DCLK2: variants seen among roughly 807,000 people sequenced by gnomAD.
DCLK2 encodes serine/threonine-protein kinase DCLK2.
Under a neutral mutation model 78.4 loss-of-function variants are expected in DCLK2, and 31 were observed. That is an observed-to-expected ratio of 0.40 (90% CI 0.30 to 0.53). The LOEUF is 0.53. DCLK2 is among the 20% of genes least tolerant of loss of function. DCLK2 has a pLI of 0.61. For missense variants in DCLK2, 872 were observed against 973.7 expected (o/e 0.90, Z 1.39); for synonymous variants, 407 against 374.9 (o/e 1.09, Z -0.99).
At chr4:150,209,490 G>GT (rs1383395677) in intron 5 of DCLK2, among the ~76,000 whole-genome samples, 3 of 152,208 alleles carry the variant, frequency 2.0e-5, no homozygotes, top group Non-Finnish European at 2.9e-5. Flanking sequence ...TAATTCTTAA[G>GT]TTTTTTTGTG....
intron 2 of DCLK2, among the ~76,000 whole-genome samples, chr4:150,192,740 A>T (rs968606091): frequency 9.9e-5 from 15 of 152,178 alleles, no homozygotes; most frequent in Non-Finnish European, 1.6e-4. Context: ...ACCCAAGGTC[A>T]CACAGTGGGA....
At chr4:150,253,215 C>G (rs543348274) in intron 15 of DCLK2, 3 of 515,068 alleles carry the variant, frequency 5.8e-6, no homozygotes, top group Non-Finnish European at 1.2e-5. Flanking sequence ...CCCTGGTACT[C>G]ATAGGTCCTC....
chr4:150,228,610 A>T (rs994073574), intron 8 of DCLK2, among the ~76,000 whole-genome samples: 1 of 152,248 alleles, frequency 6.6e-6, no homozygotes, highest in Admixed American at 6.5e-5. Context: ...AGAGCAGGTG[A>T]GAGGACTACC....
At chr4:150,149,077 A>T (rs1253106082) in intron 2 of DCLK2, among the ~76,000 whole-genome samples, 1 of 151,052 alleles carries the variant, frequency 6.6e-6, no homozygotes, top group African/African-American at 2.4e-5. Context: ...GAGACCATGG[A>T]TACCTGAAAG....
intron 2 of DCLK2, among the ~76,000 whole-genome samples, chr4:150,165,049 C>T (rs997071860): frequency 1.3e-5 from 2 of 152,152 alleles, no homozygotes; most frequent in African/African-American, 4.8e-5. Context: ...ATGGGTTTAA[C>T]CATCCTGAGA....
At chr4:150,088,551 G>A (rs893518213) in intron 1 of DCLK2, among the ~76,000 whole-genome samples, 7 of 151,852 alleles carry the variant, frequency 4.6e-5, no homozygotes, top group East Asian at 1.9e-4. Flanking sequence ...CAGTCCTCTC[G>A]CCTCAGTCTC....
chr4:150,225,042 G>A (rs1197080177), intron 8 of DCLK2, among the ~76,000 whole-genome samples: 1 of 152,166 alleles, frequency 6.6e-6, no homozygotes, highest in Non-Finnish European at 1.5e-5. Context: ...GAGCCCAGCT[G>A]GATGATTTAC....
At chr4:150,160,750 G>C (rs1008923487) in intron 2 of DCLK2, among the ~76,000 whole-genome samples, 4 of 152,182 alleles carry the variant, frequency 2.6e-5, no homozygotes, top group African/African-American at 7.2e-5. Flanking sequence ...TCTGTTCTGA[G>C]AGAAGGAAAA....
intron 2 of DCLK2, among the ~76,000 whole-genome samples, chr4:150,150,420 C>G (rs1392031750): frequency 6.6e-6 from 1 of 151,852 alleles, no homozygotes; most frequent in Admixed American, 6.6e-5. Context: ...GGGCTATTGT[C>G]AGGATTCAGT....
At chr4:150,117,088 A>G (rs1346596692) in intron 2 of DCLK2, among the ~76,000 whole-genome samples, 11 of 152,054 alleles carry the variant, frequency 7.2e-5, no homozygotes, top group Non-Finnish European at 1.6e-4. Context: ...ATAAGGCAGG[A>G]CTGCACTCTG....
chr4:150,198,085 A>G lies in DCLK2; in HGVS notation c.943A>G (p.Ser315Gly), dbSNP rs147007273. The change falls in exon 4 of 16, where the codon AGC becomes GGC. Residue 315 changes from serine (S) to glycine (G), a missense_variant. Around this residue, in one of 3 missense-constraint regions of DCLK2, gnomAD observed 567 missense variants for 593.4 expected, o/e 0.96. Transcript: ENST00000296550. ...CAAAAGCCCTGGGCCCTCTCGACGC[A>G]GCAAATCACCAGCTTCAGGTAGTTA... is the stretch of plus-strand genomic sequence containing the variant. ...GSKSPGPSRR[S>G]KSPASVNGTP... The G allele has an allele frequency of 6.2e-5, 100 of 1,613,634 alleles. No homozygotes were observed. The highest frequency in any genetic ancestry group is 3.1e-5 in the Non-Finnish European group (36 of 1,179,874).
intron 2 of DCLK2, among the ~76,000 whole-genome samples, chr4:150,148,758 C>T (rs558888697): frequency 2.0e-5 from 3 of 151,982 alleles, no homozygotes; most frequent in South Asian, 4.2e-4. Flanking sequence ...GGAGGCCAGG[C>T]GTGGTGGCTC....
At chr4:150,102,121 A>T (rs1481390166) in intron 1 of DCLK2, among the ~76,000 whole-genome samples, 1 of 152,168 alleles carries the variant, frequency 6.6e-6, no homozygotes, top group African/African-American at 2.4e-5. Context: ...AGTAAATAGG[A>T]GGTTTGGGGA....
chr4:150,193,163 G>T lies in DCLK2; in HGVS notation c.782G>T (p.Gly261Val). ...KQVTCLQDFF[G>V]DDDVFIACGP... ...GTTACTTGTCTGCAAGACTTTTTTGGTGATGACGATGTTTTTATTGCATGT... is the reference window on the plus strand; with the variant it reads ...GTTACTTGTCTGCAAGACTTTTTTGTTGATGACGATGTTTTTATTGCATGT... Residue 261 changes from glycine to valine, a missense_variant, in exon 3 of 16, where the codon GGT (glycine) becomes GTT (valine). Gly to Val is a moderately radical substitution (Grantham distance 109). Transcript: ENST00000296550. 1 of 1,608,522 alleles carries T rather than the reference G, an allele frequency of 6.2e-7. No individual in the cohort carries two copies. The highest frequency in any genetic ancestry group is 8.5e-7 in the Non-Finnish European group (1 of 1,176,608).
intron 2 of DCLK2, among the ~76,000 whole-genome samples, chr4:150,157,571 G>A (rs559491938): frequency 6.6e-6 from 1 of 150,878 alleles, no homozygotes; most frequent in South Asian, 2.1e-4. Flanking sequence ...GGAGTGCAGT[G>A]GTGTGATCTC....
intron 2 of DCLK2, among the ~76,000 whole-genome samples, chr4:150,180,985 G>T (rs1446166783): frequency 6.6e-6 from 1 of 152,034 alleles, no homozygotes; most frequent in African/African-American, 2.4e-5. Flanking sequence ...CAGAGATCGG[G>T]AACACCCTGG....
intron 2 of DCLK2, among the ~76,000 whole-genome samples, chr4:150,109,981 T>C (rs1409657210): frequency 1.3e-5 from 2 of 152,214 alleles, no homozygotes; most frequent in Non-Finnish European, 2.9e-5. Context: ...AAGGAAATGT[T>C]TAGATATCCC....
intron 8 of DCLK2, among the ~76,000 whole-genome samples, chr4:150,225,895 G>C (rs1408555783): frequency 6.6e-6 from 1 of 152,042 alleles, no homozygotes; most frequent in African/African-American, 2.4e-5. Context: ...TTAAAATGTG[G>C]TTATTATCGA....
chr4:150,080,617 A>G (rs1729189163), intron 1 of DCLK2, among the ~76,000 whole-genome samples: 1 of 152,222 alleles, frequency 6.6e-6, no homozygotes. Context: ...ATATTATCTC[A>G]GCATGCTTTT....
Sources: gnomAD v4.1 joint callset for allele counts (sites outside exome capture counted in the v4.1 genomes callset) on GRCh38, gnomAD v4.1.1 for gene constraint, gnomAD v4.1.1 regional missense constraint, MANE v1.5 for transcripts, NCBI Gene and HGNC (gene_info 2026-07-23, HGNC 2026-07-21) for gene names.